The following OTOGL variants were observed in gnomAD, a reference collection of about 807,000 sequenced individuals.
OTOGL encodes otogelin like.
A neutral mutation model predicts 318.5 loss-of-function variants in OTOGL; 285 were observed. The observed-to-expected ratio is 0.89, with a 90% confidence interval of 0.81 to 0.99. The LOEUF is 0.99. Among genes scored for constraint, OTOGL ranks in the 50% least tolerant of loss-of-function variants. OTOGL has a pLI of 0.00. For synonymous variants in OTOGL, 987 were observed against 936.5 expected (o/e 1.05, Z -0.99); for missense variants, 2,899 against 2,845.6 (o/e 1.02, Z -0.43).
At position 80,358,360 on chromosome 12, in the gene OTOGL, A is replaced by G. The variant is rs929384673; in HGVS notation, c.6121+11A>G. 18 of 1,549,862 alleles carry G rather than the reference A, an allele frequency of 1.2e-5. No individual in the cohort carries two copies. Among genetic ancestry groups the G allele is most frequent in the Non-Finnish European group, 1.6e-5 (18 of 1,129,184 alleles). ...CTCAGTATTACTGTGGTAAGTGTAT[A>G]TTAACTATTCTAAAATATTTAGATG... On this transcript the variant is annotated intron_variant, in intron 50 of 58. Coordinates refer to ENST00000547103, the MANE Select transcript of OTOGL (RefSeq NM_001378609.3).
intron 14 of OTOGL, among the ~76,000 whole-genome samples, chr12:80,253,906 C>T (rs763804479): frequency 3.0e-4 from 45 of 152,028 alleles, no homozygotes; most frequent in Non-Finnish European, 5.9e-4. Flanking sequence ...TAAAACATGC[C>T]TCTCCAGATC....
At chr12:80,197,247 A>G (rs1876139274) in intron 1 of OTOGL, among the ~76,000 whole-genome samples, 1 of 152,052 alleles carries the variant, frequency 6.6e-6, no homozygotes, top group African/African-American at 2.4e-5. Flanking sequence ...GTCTCCCTAA[A>G]ATGTATAAAA....
chr12:80,191,575 A>T (rs1875700359), intron 1 of OTOGL, among the ~76,000 whole-genome samples: 1 of 152,244 alleles, frequency 6.6e-6, no homozygotes, highest in Non-Finnish European at 1.5e-5. Context: ...ATAACCAAAT[A>T]TGATTACATT....
intron 26 of OTOGL, among the ~76,000 whole-genome samples, chr12:80,294,787 C>T (rs370808376): frequency 6.6e-6 from 1 of 152,284 alleles, no homozygotes; most frequent in South Asian, 2.1e-4. Flanking sequence ...GAAGAATTTA[C>T]ATCAAGACCT....
intron 1 of OTOGL, among the ~76,000 whole-genome samples, chr12:80,179,989 C>T (rs1874805730): frequency 2.0e-5 from 3 of 152,212 alleles, no homozygotes; most frequent in South Asian, 4.1e-4. Context: ...CCACTGTATC[C>T]TGCAGGTGGG....
Position 80,372,073 on chromosome 12 carries a change from G to C in OTOGL, c.6781+9G>C. The C allele has an allele frequency of 6.6e-7, 1 of 1,521,566 alleles. No homozygotes were observed. Among genetic ancestry groups the C allele is most frequent in the South Asian group, 1.3e-5 (1 of 76,298 alleles). The allele number at this position is 1,521,566 out of a possible 1,614,324, so 94.3% of individuals were successfully genotyped here. On this transcript the variant is annotated intron_variant, in intron 57 of 58. Transcript: ENST00000547103. ...AGGCTGTTGCAAGATCTGTAAGTGA[G>C]AGCATATTCCATGCATTTACTTGAT...
chr12:80,274,019 C>T (rs563714180), intron 24 of OTOGL, among the ~76,000 whole-genome samples: 1 of 151,976 alleles, frequency 6.6e-6, no homozygotes, highest in Non-Finnish European at 1.5e-5. Flanking sequence ...TCCACCATCT[C>T]TCTTGCTCTT....
intron 33 of OTOGL, among the ~76,000 whole-genome samples, chr12:80,320,203 T>G (rs1471612773): frequency 6.6e-6 from 1 of 152,194 alleles, no homozygotes; most frequent in Non-Finnish European, 1.5e-5. Flanking sequence ...CTGATTTTTT[T>G]TTTTAGTGAT....
intron 17 of OTOGL, 81 bp downstream of exon 17, chr12:80,256,541 G>A: frequency 1.4e-6 from 2 of 1,460,684 alleles, no homozygotes; most frequent in South Asian, 1.4e-5. Flanking sequence ...AAACAAAATG[G>A]GATCTTTTCC....
Position 80,255,023 on chromosome 12 carries a change from C to CTT in OTOGL, c.1442-7_1442-6dup, listed in dbSNP as rs761399547. On this transcript the variant is annotated splice_polypyrimidine_tract_variant and intron_variant, in intron 15 of 58. Transcript: ENST00000547103. ...ACCTCCTTTTCTTTTTCTTTGTTTTCTTTTTTTTTTTGGCAGTTCAATGCT... is the reference window on the plus strand; with the variant it reads ...ACCTCCTTTTCTTTTTCTTTGTTTTCTTTTTTTTTTTTTGGCAGTTCAATGCT... The CTT allele has an allele frequency of 2.3e-4, 244 of 1,057,086 alleles. No homozygotes were observed. Among genetic ancestry groups the CTT allele is most frequent in the African/African-American group, 1.0e-3 (59 of 58,682 alleles). 65.5% of individuals were successfully genotyped at this position (1,057,086 alleles called of 1,614,324 possible). A position where few individuals can be genotyped will look rare whatever the true frequency, so the allele number is the denominator to read the frequency against.
At chr12:80,256,699 G>C (rs930619649) in intron 17 of OTOGL, among the ~76,000 whole-genome samples, 1 of 152,032 alleles carries the variant, frequency 6.6e-6, no homozygotes, top group African/African-American at 2.4e-5. Context: ...CAAGCAAGCA[G>C]CCACTTACAA....
chr12:80,310,952 C>T (rs552199985), intron 30 of OTOGL, among the ~76,000 whole-genome samples: 6 of 152,124 alleles, frequency 3.9e-5, no homozygotes, highest in Non-Finnish European at 7.4e-5. Context: ...TACCTTTGTA[C>T]GTATTTGTAA....
chr12:80,168,718 C>T (rs1219173938), intron 1 of OTOGL, among the ~76,000 whole-genome samples: 1 of 152,140 alleles, frequency 6.6e-6, no homozygotes, highest in Non-Finnish European at 1.5e-5. Flanking sequence ...CCTAATAGGG[C>T]ATCTTCATCA....
At chr12:80,325,231 T>C (rs1436469863) in intron 35 of OTOGL, among the ~76,000 whole-genome samples, 1 of 151,660 alleles carries the variant, frequency 6.6e-6, no homozygotes, top group Non-Finnish European at 1.5e-5. Context: ...CTATGGCAAA[T>C]GTTGCCAATA....
chr12:80,261,858 T>C (rs1371914809), intron 18 of OTOGL, 111 bp from the exon 19 acceptor site: 5 of 1,267,956 alleles, frequency 3.9e-6, no homozygotes, highest in Non-Finnish European at 5.2e-6. Context: ...TTTCAAGCTG[T>C]AAGATTTCCT....
At chr12:80,325,287 G>C (rs1478955095) in intron 35 of OTOGL, among the ~76,000 whole-genome samples, 1 of 152,170 alleles carries the variant, frequency 6.6e-6, no homozygotes, top group African/African-American at 2.4e-5. Flanking sequence ...CTCTCGAGGA[G>C]TGCACAGTCT....
chr12:80,252,241 A>T, intron 13 of OTOGL, 40 bp downstream of exon 13: 3 of 1,571,958 alleles, frequency 1.9e-6, no homozygotes, highest in Non-Finnish European at 1.7e-6. Flanking sequence ...CACTCATGGA[A>T]ACTAGTACCC....
At chr12:80,238,138 C>G (rs1364506384) in intron 9 of OTOGL, among the ~76,000 whole-genome samples, 2 of 152,178 alleles carry the variant, frequency 1.3e-5, no homozygotes, top group African/African-American at 4.8e-5. Context: ...TCAGAGCACT[C>G]ACTACCAAAT....
chr12:80,189,333 T>C, intron 1 of OTOGL: 5 of 658,400 alleles, frequency 7.6e-6, no homozygotes, highest in Non-Finnish European at 9.4e-6. Flanking sequence ...TTAATGTTTA[T>C]TTTCTTTTAG....
Sources: allele counts gnomAD v4.1 joint callset (sites outside exome capture counted in the v4.1 genomes callset), GRCh38; gene constraint gnomAD v4.1.1; transcripts MANE v1.5; gene names NCBI Gene and HGNC (gene_info 2026-07-23, HGNC 2026-07-21).